DROSHA: variants seen among roughly 807,000 people sequenced by gnomAD.
The protein encoded by DROSHA is drosha ribonuclease III.
A neutral mutation model predicts 181.9 loss-of-function variants in DROSHA; 56 were observed. The observed-to-expected ratio is 0.31, with a 90% CI of 0.25 to 0.38. DROSHA has a LOEUF of 0.38. Ranked by LOEUF, DROSHA falls within the 10% of genes least tolerant of loss-of-function variation. The pLI is 1.00. For missense variants in DROSHA, 1,218 were observed against 1,743.5 expected (o/e 0.70, Z 5.37); for synonymous variants, 524 against 591.2 (o/e 0.89, Z 1.65).
At chr5:31,531,049 C>G (rs1478553725) in intron 2 of DROSHA, 125 bp from the exon 3 acceptor site, 1 of 390,424 alleles carries the variant, frequency 2.6e-6, no homozygotes, top group Non-Finnish European at 4.5e-6. Context: ...CTGAGTCATG[C>G]AATATTTAAT....
intron 20 of DROSHA, among the ~76,000 whole-genome samples, chr5:31,459,203 T>C (rs1483018794): frequency 6.6e-6 from 1 of 152,186 alleles, no homozygotes; most frequent in African/African-American, 2.4e-5. Flanking sequence ...TACTTTTCTC[T>C]TGCATCTTGT....
chr5:31,483,303 T>A (rs1256100566), intron 16 of DROSHA, among the ~76,000 whole-genome samples: 1 of 152,216 alleles, frequency 6.6e-6, no homozygotes, highest in Non-Finnish European at 1.5e-5. Context: ...CACACCCGCA[T>A]GATATTTTGT....
chr5:31,421,429 C>A (rs1041025822), intron 29 of DROSHA, 52 bp from the exon 30 acceptor site: 3 of 1,370,020 alleles, frequency 2.2e-6, no homozygotes, highest in Non-Finnish European at 3.1e-6. Context: ...TATGGATTTC[C>A]AAAAAAACAC....
intron 13 of DROSHA, among the ~76,000 whole-genome samples, chr5:31,491,669 A>C (rs1053732350): frequency 6.7e-6 from 1 of 149,048 alleles, no homozygotes; most frequent in African/African-American, 2.5e-5. Context: ...GATTCGGTGT[A>C]ACAAAGGGTT....
intron 16 of DROSHA, among the ~76,000 whole-genome samples, chr5:31,474,045 G>A (rs1750072201): frequency 6.6e-6 from 1 of 152,206 alleles, no homozygotes; most frequent in African/African-American, 2.4e-5. Flanking sequence ...GAAGCACATA[G>A]GCTAATAATG....
intron 16 of DROSHA, among the ~76,000 whole-genome samples, chr5:31,477,536 T>G (rs1750532474): frequency 1.3e-5 from 2 of 152,204 alleles, no homozygotes; most frequent in South Asian, 2.1e-4. Flanking sequence ...CCTGGAAATT[T>G]TGCAATACTC....
At chr5:31,424,685 G>T (rs369013925) in intron 27 of DROSHA, among the ~76,000 whole-genome samples, 1 of 151,996 alleles carries the variant, frequency 6.6e-6, no homozygotes, top group Non-Finnish European at 1.5e-5. Context: ...TAAGCTACGG[G>T]GGAAAAGAGC....
chr5:31,401,421 C>G lies in DROSHA; in HGVS notation c.*11G>C, dbSNP rs1367908898. On this transcript the variant is annotated 3_prime_UTR_variant, in exon 36 of 36. Coordinates refer to ENST00000344624, the MANE Select transcript of DROSHA (RefSeq NM_001382508.1). Reference sequence around the variant, plus strand: ...TGAGCAAGTAAATACTCCACACTTGCATGCCCTCCTTTATTTCTTGATGTC... The same window carrying G: ...TGAGCAAGTAAATACTCCACACTTGGATGCCCTCCTTTATTTCTTGATGTC... The G allele has an allele frequency of 2.5e-6, 4 of 1,610,576 alleles. No homozygotes were observed. In the South Asian group the frequency reaches 3.3e-5, roughly 13 times the overall value.
At chr5:31,439,575 A>C (rs993013112) in intron 23 of DROSHA, among the ~76,000 whole-genome samples, 10 of 152,126 alleles carry the variant, frequency 6.6e-5, no homozygotes, top group South Asian at 4.1e-4. Context: ...TGTTGTTATA[A>C]CTATTCTATT....
chr5:31,515,924 T>C (rs1739226538), intron 6 of DROSHA, among the ~76,000 whole-genome samples: 2 of 152,188 alleles, frequency 1.3e-5, no homozygotes, highest in African/African-American at 4.8e-5. Context: ...GCTTGAAATC[T>C]GCAAAGACCC....
At chr5:31,402,746 G>A (rs868413322) in intron 35 of DROSHA, among the ~76,000 whole-genome samples, 107 of 152,250 alleles carry the variant, frequency 7.0e-4, no homozygotes, top group East Asian at 1.5e-3. Context: ...AAAGACAGGT[G>A]GGGAATCAGC....
intron 2 of DROSHA, 140 bp from the exon 3 acceptor site, chr5:31,531,064 C>T: frequency 2.6e-6 from 1 of 389,564 alleles, no homozygotes; most frequent in East Asian, 3.6e-5. Context: ...TTTAATGAGC[C>T]CATAAATGGG....
At position 31,470,142 on chromosome 5, in the gene DROSHA, G is replaced by A. The variant is rs936140842; in HGVS notation, c.2241+1921C>T. On this transcript the variant is annotated intron_variant, in intron 17 of 35. Transcript: ENST00000344624. This position sits in a 1 kb window ranked among gnomAD's most constrained non-coding sequence, Gnocchi z 4.0. Reference sequence around the variant, plus strand: ...TCAACACATTCCTAAGCCTGACACTGAAACTTCCAATAAAAATCTTTCATA... The same window carrying A: ...TCAACACATTCCTAAGCCTGACACTAAAACTTCCAATAAAAATCTTTCATA... 6.6e-6 allele frequency among the ~76,000 whole-genome samples: 1 copy of A among 152,148 alleles called. No individual in the cohort carries two copies. The highest frequency in any genetic ancestry group is 1.5e-5 in the Non-Finnish European group (1 of 68,026).
chr5:31,438,638 C>T (rs1250407204), intron 23 of DROSHA, among the ~76,000 whole-genome samples: 1 of 151,996 alleles, frequency 6.6e-6, no homozygotes, highest in Non-Finnish European at 1.5e-5. Context: ...ATCAAATATC[C>T]AAATGGAGAG....
intron 8 of DROSHA, among the ~76,000 whole-genome samples, chr5:31,512,418 C>G (rs2150055192): frequency 6.6e-6 from 1 of 152,262 alleles, no homozygotes; most frequent in South Asian, 2.1e-4. Flanking sequence ...ACTTCAGTGT[C>G]TTCATCTTTA....
chr5:31,453,523 T>G (rs1747280185), intron 20 of DROSHA, among the ~76,000 whole-genome samples: 1 of 152,160 alleles, frequency 6.6e-6, no homozygotes, highest in Non-Finnish European at 1.5e-5. Flanking sequence ...CTATTAACTT[T>G]AAGCCCAAAT....
Position 31,484,931 on chromosome 5 carries a change from GAA to G in DROSHA, c.1944_1945del (p.Ser649ThrfsTer12), listed in dbSNP as rs1751560152. 1 of 1,547,372 alleles carries G rather than the reference GAA, an allele frequency of 6.5e-7. No homozygotes were observed. Among genetic ancestry groups the G allele is most frequent in the Non-Finnish European group, 8.7e-7 (1 of 1,145,966 alleles). On this transcript the variant is annotated frameshift_variant, in exon 15 of 36. Transcript: ENST00000344624. LOFTEE classifies it high-confidence loss of function. Reference sequence around the variant, plus strand: ...CAAAATATCTCTGAATAGGAACAGTGAAAAGAGTTCAAGCCCTTTCACACAAA... The same window carrying G: ...CAAAATATCTCTGAATAGGAACAGTGAAGAGTTCAAGCCCTTTCACACAAA...
At chr5:31,416,376 T>C (rs1406854737) in intron 30 of DROSHA, among the ~76,000 whole-genome samples, 1 of 152,238 alleles carries the variant, frequency 6.6e-6, no homozygotes, top group Non-Finnish European at 1.5e-5. Flanking sequence ...GTCACTCTTC[T>C]ATTTATTTAG....
Position 31,530,832 on chromosome 5 carries a change from A to T in DROSHA, c.-81T>A, listed in dbSNP as rs1741222464. ...CCTCATATCATAGTGAAGTATGCAC[A>T]CGTCTAACTCTTCCACTAGATTATC... On this transcript the variant is annotated 5_prime_UTR_variant, in exon 3 of 36. Transcript: ENST00000344624. 1 of 398,402 alleles carries T rather than the reference A, an allele frequency of 2.5e-6. No homozygotes were observed. Among genetic ancestry groups the T allele is most frequent in the Admixed American group, 4.4e-5 (1 of 22,706 alleles). The allele number at this position is 398,402 out of a possible 1,614,324, so 24.7% of individuals were successfully genotyped here. A position where few individuals can be genotyped will look rare whatever the true frequency, so the allele number is the denominator to read the frequency against.
Sources: gnomAD v4.1 joint callset for allele counts (sites outside exome capture counted in the v4.1 genomes callset) on GRCh38, gnomAD v4.1.1 for gene constraint, Gnocchi (gnomAD v3.1) non-coding constraint, MANE v1.5 for transcripts, NCBI Gene and HGNC (gene_info 2026-07-23, HGNC 2026-07-21) for gene names.